The following RABEP1 variants were observed in gnomAD, a reference collection of about 807,000 sequenced individuals.
RABEP1 encodes rab GTPase-binding effector protein 1.
Under a neutral mutation model 123.4 loss-of-function variants are expected in RABEP1, and 51 were observed. The observed-to-expected ratio is 0.41, with a 90% CI of 0.33 to 0.52. The LOEUF (loss-of-function observed/expected upper bound fraction) is 0.52, where lower values mean the gene tolerates loss of function less well. Among genes scored for constraint, RABEP1 ranks in the 20% least tolerant of loss-of-function variants. RABEP1 has a pLI of 0.16. For synonymous variants in RABEP1, 347 were observed against 355.2 expected, an observed-to-expected ratio of 0.98 and a Z score of 0.26; for missense variants, 888 against 996.3, an observed-to-expected ratio of 0.89 and a Z score of 1.46.
intron 13 of RABEP1, among the ~76,000 whole-genome samples, chr17:5,374,045 AC>A (rs34317470): frequency 6.6e-6 from 1 of 152,092 alleles, no homozygotes; most frequent in East Asian, 1.9e-4. Flanking sequence ...TAACACACTC[AC>A]CATCATGCTG....
At chr17:5,346,036 GAAAA>G (rs1908035324) in intron 5 of RABEP1, among the ~76,000 whole-genome samples, 1 of 152,004 alleles carries the variant, frequency 6.6e-6, no homozygotes, top group Admixed American at 6.5e-5. Flanking sequence ...TTGATCAACA[GAAAA>G]AAAGTATTTT....
At chr17:5,336,162 A>C (rs1907063937) in intron 4 of RABEP1, among the ~76,000 whole-genome samples, 1 of 152,178 alleles carries the variant, frequency 6.6e-6, no homozygotes, top group Non-Finnish European at 1.5e-5. Flanking sequence ...GTATAAAATA[A>C]TTAGTAATTG....
At chr17:5,320,493 C>T (rs2075344915) in intron 2 of RABEP1, among the ~76,000 whole-genome samples, 1 of 148,408 alleles carries the variant, frequency 6.7e-6, no homozygotes, top group Admixed American at 6.7e-5. Context: ...GAGTTAGACT[C>T]TTAATACTGC....
intron 3 of RABEP1, 88 bp downstream of exon 3, chr17:5,332,240 T>C (rs979549170): frequency 1.6e-6 from 2 of 1,258,676 alleles, no homozygotes; most frequent in African/African-American, 3.0e-5. Flanking sequence ...TTAAAATATA[T>C]ACAGAGTTTC....
intron 2 of RABEP1, among the ~76,000 whole-genome samples, chr17:5,324,282 T>C (rs1292879573): frequency 6.6e-6 from 1 of 152,110 alleles, no homozygotes; most frequent in Admixed American, 6.6e-5. Context: ...AACAAATCCA[T>C]GCATTTTGCA....
At chr17:5,365,992 C>T (rs1036493813) in intron 11 of RABEP1, among the ~76,000 whole-genome samples, 21 of 152,130 alleles carry the variant, frequency 1.4e-4, no homozygotes, top group African/African-American at 3.9e-4. Context: ...TTGTATAGGG[C>T]GTGGTGGACA....
At chr17:5,356,596 C>T (rs1909035458) in intron 8 of RABEP1, 1 of 168,892 alleles carries the variant, frequency 5.9e-6, no homozygotes, top group Admixed American at 6.4e-5. Context: ...TTCTTCCTTT[C>T]CTTATTTTCT....
At chr17:5,329,743 T>G (rs1906338459) in intron 2 of RABEP1, among the ~76,000 whole-genome samples, 1 of 151,530 alleles carries the variant, frequency 6.6e-6, no homozygotes, top group Non-Finnish European at 1.5e-5. Context: ...ATTAAGATTT[T>G]CTAACTTTAT....
In RABEP1 at chr17:5,383,706, G is replaced by A; in HGVS notation, c.*483G>A. Reference sequence around the variant, plus strand: ...TGAATATTTTATATTAAAATATGAAGGTTTGAGAGCAGGCCATTGGCTACT... The same window carrying A: ...TGAATATTTTATATTAAAATATGAAAGTTTGAGAGCAGGCCATTGGCTACT... On this transcript the variant is annotated 3_prime_UTR_variant, in exon 18 of 18. Coordinates refer to ENST00000537505, the MANE Select transcript of RABEP1 (RefSeq NM_004703.6). 1 of 229,382 alleles carries A rather than the reference G, an allele frequency of 4.4e-6. No homozygotes were observed. Among genetic ancestry groups the A allele is most frequent in the Non-Finnish European group, 8.6e-6 (1 of 115,820 alleles). 14.2% of individuals were successfully genotyped at this position (229,382 alleles called of 1,614,324 possible).
intron 1 of RABEP1, among the ~76,000 whole-genome samples, chr17:5,306,011 T>C (rs1258601442): frequency 1.3e-5 from 2 of 152,184 alleles, no homozygotes; most frequent in Admixed American, 6.5e-5. Context: ...ATTAAATCTA[T>C]AGTGAGGCTA....
At chr17:5,371,285 T>C (rs1211109249) in intron 12 of RABEP1, 1 of 152,184 alleles carries the variant, frequency 6.6e-6, no homozygotes, top group Non-Finnish European at 1.5e-5. Flanking sequence ...TTATATTACA[T>C]TTTCAGATTT....
intron 1 of RABEP1, among the ~76,000 whole-genome samples, chr17:5,292,415 G>GT (rs918181379): frequency 6.6e-6 from 1 of 151,488 alleles, no homozygotes; most frequent in Admixed American, 6.6e-5. Flanking sequence ...TTGAGATGGA[G>GT]TTTCGCTTCG....
At chr17:5,313,977 T>C (rs2075269901) in intron 2 of RABEP1, among the ~76,000 whole-genome samples, 1 of 152,196 alleles carries the variant, frequency 6.6e-6, no homozygotes, top group Non-Finnish European at 1.5e-5. Flanking sequence ...TCTTTAATGA[T>C]TGCCACAGGT....
intron 2 of RABEP1, among the ~76,000 whole-genome samples, chr17:5,319,430 A>C (rs2075331970): frequency 6.6e-6 from 1 of 151,464 alleles, no homozygotes; most frequent in Non-Finnish European, 1.5e-5. Flanking sequence ...GCAGTGCCGC[A>C]ATCTCGGCTC....
chr17:5,298,141 A>G (rs374276691), intron 1 of RABEP1, among the ~76,000 whole-genome samples: 4 of 152,222 alleles, frequency 2.6e-5, no homozygotes, highest in East Asian at 1.9e-4. Flanking sequence ...TTCCTTGTAA[A>G]TAAAATATAA....
intron 13 of RABEP1, among the ~76,000 whole-genome samples, chr17:5,375,188 G>T (rs562674292): frequency 6.7e-6 from 1 of 148,204 alleles, no homozygotes; most frequent in Non-Finnish European, 1.5e-5. Flanking sequence ...TCTATAATTT[G>T]GACCTCATTC....
chr17:5,382,083 A>ATTT lies in RABEP1; in HGVS notation c.2487+591_2487+593dup, dbSNP rs58178661. On this transcript the variant is annotated intron_variant, in intron 17 of 17. Transcript: ENST00000537505. ...AGTTTTTTTCCCAATGGAACTTCGG[A>ATTT]TTTTTTTTTTTTTTTGGAGACGGAG... Among the ~76,000 whole-genome samples the ATTT allele has an allele frequency of 3.1e-4, 44 of 143,080 alleles. 1 individual carries two copies. The highest frequency in any genetic ancestry group is 3.1e-3 in the Admixed American group (44 of 14,344). The allele number at this position is 143,080 out of a possible 152,430, so 93.9% of individuals were successfully genotyped here. A position where few individuals can be genotyped will look rare whatever the true frequency, so the allele number is the denominator to read the frequency against.
intron 15 of RABEP1, 149 bp downstream of exon 15, chr17:5,378,381 G>T: frequency 2.7e-6 from 2 of 740,658 alleles, no homozygotes; most frequent in South Asian, 1.5e-5. Flanking sequence ...CACGGGGTAA[G>T]GGTGTGCTGG....
At chr17:5,302,941 T>C (rs1346248542) in intron 1 of RABEP1, among the ~76,000 whole-genome samples, 4 of 152,220 alleles carry the variant, frequency 2.6e-5, no homozygotes, top group Non-Finnish European at 4.4e-5. Context: ...CATTAAATTA[T>C]GAATACTTTT....
Sources: gnomAD v4.1 joint callset for allele counts (sites outside exome capture counted in the v4.1 genomes callset) on GRCh38, gnomAD v4.1.1 for gene constraint, MANE v1.5 for transcripts, NCBI Gene and HGNC (gene_info 2026-07-23, HGNC 2026-07-21) for gene names.